Variants in PSD3 observed in about 807,000 individuals in gnomAD.
PSD3 encodes the protein PH and SEC7 domain-containing protein 3.
PSD3 carries 49 observed loss-of-function variants against 105.5 expected under a neutral mutation model. The ratio of observed to expected loss-of-function variants is 0.46; its 90% CI spans 0.37 to 0.59. The LOEUF (loss-of-function observed/expected upper bound fraction) is 0.59. Ranked by LOEUF, PSD3 falls within the 20% of genes least tolerant of loss-of-function variation. PSD3 has a pLI of 0.00. For synonymous variants in PSD3, 557 were observed against 457.8 expected, an observed-to-expected ratio of 1.22 and a Z score of -2.77; for missense variants, 1,561 against 1,263.8, an observed-to-expected ratio of 1.24 and a Z score of -3.57.
At chr8:18,780,325 TA>T in intron 8 of PSD3, among the ~76,000 whole-genome samples, 1 of 147,016 alleles carries the variant, frequency 6.8e-6, no homozygotes, top group East Asian at 2.0e-4. Context: ...GTCAGTTTTT[TA>T]TAGGCAGTAT....
intron 1 of PSD3, among the ~76,000 whole-genome samples, chr8:18,937,010 C>T (rs1586473077): frequency 6.6e-6 from 1 of 152,160 alleles, no homozygotes; most frequent in African/African-American, 2.4e-5. Flanking sequence ...CAACATCTGT[C>T]CCAGGGTCCT....
At chr8:18,573,574 TA>T (rs34067910) in intron 13 of PSD3, among the ~76,000 whole-genome samples, 82,478 of 151,912 alleles carry the variant, frequency 0.54, 22,494 homozygotes, top group South Asian at 0.62. Flanking sequence ...AGTAAATGGA[TA>T]AACAAAATGC....
chr8:18,935,885 T>C (rs1319106574), intron 2 of PSD3, 149 bp downstream of exon 2: 14 of 558,172 alleles, frequency 2.5e-5, no homozygotes, highest in Non-Finnish European at 4.5e-5. Flanking sequence ...TTGCGGATTC[T>C]ACATCTTGGG....
intron 4 of PSD3, among the ~76,000 whole-genome samples, chr8:18,813,431 C>T (rs1811885786): frequency 6.6e-6 from 1 of 152,150 alleles, no homozygotes; most frequent in Non-Finnish European, 1.5e-5. Context: ...GAACTAGTCA[C>T]CCTTATGTTG....
intron 11 of PSD3, among the ~76,000 whole-genome samples, chr8:18,615,348 G>A (rs573413048): frequency 6.6e-6 from 1 of 152,136 alleles, no homozygotes; most frequent in South Asian, 2.1e-4. Context: ...TAGCCTGTGC[G>A]GTCTAACCCT....
Position 18,533,464 on chromosome 8 carries a change from C to T in PSD3, c.*2279G>A, listed in dbSNP as rs534821643. ...GTTAATATTAGTGACTCATATGACACGGACAGTGCTATAGTGGTGCTGATG... is the reference window on the plus strand; with the variant it reads ...GTTAATATTAGTGACTCATATGACATGGACAGTGCTATAGTGGTGCTGATG... On this transcript the variant is annotated 3_prime_UTR_variant, in exon 16 of 16. Coordinates refer to ENST00000327040, the MANE Select transcript of PSD3 (RefSeq NM_015310.4). 5.3e-5 allele frequency: 8 copies of T among 152,274 alleles called. No individual in the cohort carries two copies. Among genetic ancestry groups the T allele is most frequent in the South Asian group, 2.1e-4 (1 of 4,818 alleles). 9.4% of individuals were successfully genotyped at this position (152,274 alleles called of 1,614,324 possible). A position where few individuals can be genotyped will look rare whatever the true frequency, so the allele number is the denominator to read the frequency against.
At chr8:18,798,775 T>C (rs1810416022) in intron 8 of PSD3, among the ~76,000 whole-genome samples, 1 of 152,174 alleles carries the variant, frequency 6.6e-6, no homozygotes, top group African/African-American at 2.4e-5. Context: ...CAAATTTATA[T>C]ATAATTATAC....
chr8:19,039,303 T>A (rs1828046494), intron 1 of PSD3, among the ~76,000 whole-genome samples: 1 of 152,234 alleles, frequency 6.6e-6, no homozygotes, highest in South Asian at 2.1e-4. Flanking sequence ...AGTGCATGTA[T>A]CTGTGCTCAT....
intron 1 of PSD3, among the ~76,000 whole-genome samples, chr8:18,983,161 C>T (rs1282769172): frequency 6.6e-6 from 1 of 152,232 alleles, no homozygotes; most frequent in African/African-American, 2.4e-5. Context: ...ACCTTATGAA[C>T]CAATGTCTGC....
At chr8:19,080,950 G>T (rs117148443) in intron 1 of PSD3, among the ~76,000 whole-genome samples, 1 of 152,108 alleles carries the variant, frequency 6.6e-6, no homozygotes, top group African/African-American at 2.4e-5. Context: ...GAAATGTCCC[G>T]AAACGATGAT....
chr8:18,770,463 G>A (rs1206752226), intron 8 of PSD3, among the ~76,000 whole-genome samples: 2 of 151,858 alleles, frequency 1.3e-5, no homozygotes, highest in Non-Finnish European at 2.9e-5. Flanking sequence ...ATGTCCTTTT[G>A]AAGCAGGATA....
At chr8:18,711,771 C>T (rs1252797685) in intron 9 of PSD3, among the ~76,000 whole-genome samples, 1 of 152,148 alleles carries the variant, frequency 6.6e-6, no homozygotes, top group Non-Finnish European at 1.5e-5. Flanking sequence ...AGCTCTGGAT[C>T]AAGCAGACCT....
At chr8:18,642,144 T>A (rs1282412737) in intron 10 of PSD3, among the ~76,000 whole-genome samples, 1 of 152,164 alleles carries the variant, frequency 6.6e-6, no homozygotes, top group Non-Finnish European at 1.5e-5. Flanking sequence ...TGACCATATG[T>A]ACAATGACTG....
intron 9 of PSD3, among the ~76,000 whole-genome samples, chr8:18,718,915 C>CA (rs1383799934): frequency 1.3e-5 from 2 of 151,998 alleles, no homozygotes; most frequent in East Asian, 1.9e-4. Flanking sequence ...AGACAACATT[C>CA]AAAAAAAGAC....
intron 1 of PSD3, among the ~76,000 whole-genome samples, chr8:19,048,920 T>C (rs1453677502): frequency 2.0e-5 from 3 of 152,096 alleles, no homozygotes; most frequent in Non-Finnish European, 4.4e-5. Context: ...GCAGGTTTGG[T>C]TTCTTCTAAA....
At chr8:18,792,213 G>A (rs1252300511) in intron 8 of PSD3, among the ~76,000 whole-genome samples, 1 of 152,126 alleles carries the variant, frequency 6.6e-6, no homozygotes, top group Non-Finnish European at 1.5e-5. Context: ...TCCCATTACT[G>A]GGTATATATG....
chr8:18,538,319 G>A (rs1421940210), intron 15 of PSD3, among the ~76,000 whole-genome samples: 1 of 152,180 alleles, frequency 6.6e-6, no homozygotes, highest in African/African-American at 2.4e-5. Flanking sequence ...AAGGCCACAT[G>A]ATAGTTTCAT....
chr8:18,997,083 G>C (rs1826120185), intron 1 of PSD3, among the ~76,000 whole-genome samples: 1 of 151,756 alleles, frequency 6.6e-6, no homozygotes, highest in Non-Finnish European at 1.5e-5. Flanking sequence ...CCCAGGTTTT[G>C]GCCCTCAACT....
At chr8:19,050,858 G>A (rs970813420) in intron 1 of PSD3, among the ~76,000 whole-genome samples, 8 of 152,110 alleles carry the variant, frequency 5.3e-5, no homozygotes, top group Admixed American at 5.2e-4. Context: ...AAAAAGATAA[G>A]GAATTAAACA....
Sources: gnomAD v4.1 joint callset for allele counts (sites outside exome capture counted in the v4.1 genomes callset) on GRCh38, gnomAD v4.1.1 for gene constraint, MANE v1.5 for transcripts, NCBI Gene and HGNC (gene_info 2026-07-23, HGNC 2026-07-21) for gene names.